GALNTL6: variants seen among roughly 807,000 people sequenced by gnomAD.
GALNTL6 encodes the protein polypeptide N-acetylgalactosaminyltransferase like 6.
A neutral mutation model predicts 73.7 loss-of-function variants in GALNTL6; 46 were observed. That is an observed-to-expected ratio of 0.62 (90% CI 0.49 to 0.80). The LOEUF (loss-of-function observed/expected upper bound fraction) is 0.80, where lower values mean the gene tolerates loss of function less well. Among genes scored for constraint, GALNTL6 ranks in the 30% least tolerant of loss-of-function variants. The pLI, the probability that GALNTL6 is intolerant of heterozygous loss-of-function variation, is 0.00. For synonymous variants in GALNTL6, 259 were observed against 263.7 expected, an observed-to-expected ratio of 0.98 and a Z score of 0.17; for missense variants, 604 against 755.0, an observed-to-expected ratio of 0.80 and a Z score of 2.34.
chr4:172,482,305 C>G (rs1220657897), intron 5 of GALNTL6, among the ~76,000 whole-genome samples: 2 of 152,224 alleles, frequency 1.3e-5, no homozygotes, highest in African/African-American at 4.8e-5. Context: ...TCCGACAGCC[C>G]AGAGAGGGGC....
chr4:172,757,776 A>G (rs2110809576), intron 5 of GALNTL6, among the ~76,000 whole-genome samples: 1 of 152,338 alleles, frequency 6.6e-6, no homozygotes. Context: ...TACCTTTTCA[A>G]ATGGAAAGTA....
chr4:171,934,558 T>A (rs1206322634), intron 2 of GALNTL6, among the ~76,000 whole-genome samples: 2 of 151,962 alleles, frequency 1.3e-5, no homozygotes, highest in Admixed American at 1.3e-4. Flanking sequence ...GGACTACAGG[T>A]GTGCACCAGC....
intron 5 of GALNTL6, among the ~76,000 whole-genome samples, chr4:172,794,499 G>C (rs1740160899): frequency 1.3e-5 from 2 of 152,174 alleles, no homozygotes; most frequent in African/African-American, 4.8e-5. Context: ...ACAAAAAGCA[G>C]AGATGAAAAA....
In GALNTL6 at chr4:172,754,237, C is replaced by CACAT. The variant is rs1045747626; in HGVS notation, c.554-55112_554-55109dup. Reference sequence around the variant, plus strand: ...TTTCTATTAATGTAAGTAGTATACACACATACATACATACAGAAAAGGAAG... The same window carrying CACAT: ...TTTCTATTAATGTAAGTAGTATACACACATACATACATACATACAGAAAAGGAAG... On this transcript the variant is annotated intron_variant, in intron 5 of 12. Coordinates refer to ENST00000506823, the MANE Select transcript of GALNTL6 (RefSeq NM_001034845.3). Among the ~76,000 whole-genome samples, 197 of 152,156 alleles carry CACAT rather than the reference C, an allele frequency of 1.3e-3. 1 individual carries two copies. Among genetic ancestry groups the CACAT allele is most frequent in the African/African-American group, 4.5e-3 (188 of 41,510 alleles).
chr4:172,383,760 A>G (rs12512348), intron 5 of GALNTL6, among the ~76,000 whole-genome samples: 122,569 of 152,040 alleles, frequency 0.81, 50,315 homozygotes, highest in Non-Finnish European at 0.88. Flanking sequence ...TATTTGGTAG[A>G]TGCTTTTCAT....
At chr4:172,594,260 G>C (rs1737763918) in intron 5 of GALNTL6, among the ~76,000 whole-genome samples, 1 of 152,112 alleles carries the variant, frequency 6.6e-6, no homozygotes, top group Non-Finnish European at 1.5e-5. Context: ...GCAGAGAACT[G>C]CTTGAACCCA....
chr4:172,762,386 T>A (rs2110830228), intron 5 of GALNTL6, among the ~76,000 whole-genome samples: 1 of 149,496 alleles, frequency 6.7e-6, no homozygotes, highest in Non-Finnish European at 1.5e-5. Flanking sequence ...AGCTGCTAAA[T>A]AAATGCTAGT....
intron 5 of GALNTL6, among the ~76,000 whole-genome samples, chr4:172,608,151 G>A (rs553035043): frequency 8.6e-5 from 13 of 151,912 alleles, no homozygotes; most frequent in East Asian, 1.9e-4. Context: ...CCCATTTCTC[G>A]ATTTTCATTT....
intron 5 of GALNTL6, among the ~76,000 whole-genome samples, chr4:172,688,393 G>GT (rs1347959454): frequency 3.3e-5 from 5 of 152,196 alleles, no homozygotes; most frequent in Non-Finnish European, 5.9e-5. Flanking sequence ...GCAAGGTGAT[G>GT]TGCGTAGCAA....
At chr4:172,325,197 A>G (rs1243719316) in intron 4 of GALNTL6, among the ~76,000 whole-genome samples, 1 of 151,974 alleles carries the variant, frequency 6.6e-6, no homozygotes, top group Admixed American at 6.6e-5. Flanking sequence ...ATAATGAAGG[A>G]ATATTATAAC....
At chr4:172,865,336 A>G (rs1465308600) in intron 7 of GALNTL6, among the ~76,000 whole-genome samples, 1 of 152,224 alleles carries the variant, frequency 6.6e-6, no homozygotes, top group African/African-American at 2.4e-5. Context: ...TTGTTCAGAA[A>G]GTCCCATGCA....
chr4:172,797,605 G>A (rs563602969), intron 5 of GALNTL6, among the ~76,000 whole-genome samples: 7 of 151,766 alleles, frequency 4.6e-5, no homozygotes, highest in East Asian at 1.9e-4. Flanking sequence ...TGAATCACGC[G>A]ACCTCAGCTC....
At chr4:172,557,855 A>C (rs2110917211) in intron 5 of GALNTL6, among the ~76,000 whole-genome samples, 1 of 152,280 alleles carries the variant, frequency 6.6e-6, no homozygotes, top group African/African-American at 2.4e-5. Flanking sequence ...TAAGATGTTA[A>C]GCATATATCT....
At chr4:172,131,057 A>G (rs113371697) in intron 2 of GALNTL6, among the ~76,000 whole-genome samples, 5 of 151,998 alleles carry the variant, frequency 3.3e-5, no homozygotes, top group Admixed American at 1.3e-4. Flanking sequence ...TATTTAGCCA[A>G]TCCTAAAAGT....
chr4:172,904,756 AGTT>A (rs1315429768), intron 8 of GALNTL6, among the ~76,000 whole-genome samples: 1 of 151,966 alleles, frequency 6.6e-6, no homozygotes, highest in African/African-American at 2.4e-5. Context: ...AGAAAAAAAA[AGTT>A]AGTCCTAAAA....
chr4:172,021,913 C>T (rs1436583552), intron 2 of GALNTL6, among the ~76,000 whole-genome samples: 2 of 151,958 alleles, frequency 1.3e-5, no homozygotes, highest in African/African-American at 2.4e-5. Context: ...GATTCCTATG[C>T]TTTCCATAGG....
At chr4:172,696,431 T>C (rs1733698137) in intron 5 of GALNTL6, among the ~76,000 whole-genome samples, 1 of 152,216 alleles carries the variant, frequency 6.6e-6, no homozygotes, top group East Asian at 1.9e-4. Flanking sequence ...GTTTTTTATT[T>C]CTTTCTACAC....
chr4:172,856,881 TC>T (rs1744149948), intron 7 of GALNTL6, among the ~76,000 whole-genome samples: 1 of 152,186 alleles, frequency 6.6e-6, no homozygotes, highest in South Asian at 2.1e-4. Context: ...AGTGCCTGAC[TC>T]CCCATTACCC....
chr4:171,908,539 G>A (rs1737373102), intron 2 of GALNTL6, among the ~76,000 whole-genome samples: 1 of 151,992 alleles, frequency 6.6e-6, no homozygotes, highest in African/African-American at 2.4e-5. Context: ...CTTTTACACT[G>A]TTGGTGGGAC....
Sources: gnomAD v4.1 joint callset for allele counts (sites outside exome capture counted in the v4.1 genomes callset) on GRCh38, gnomAD v4.1.1 for gene constraint, MANE v1.5 for transcripts, NCBI Gene and HGNC (gene_info 2026-07-23, HGNC 2026-07-21) for gene names.